MVB12B: variants seen among roughly 807,000 people sequenced by gnomAD.
MVB12B encodes ESCRT-I complex subunit MVB12B.
MVB12B carries 16 observed loss-of-function variants against 41.6 expected under a neutral mutation model. That is an observed-to-expected ratio of 0.38 (90% CI 0.26 to 0.58). The LOEUF (loss-of-function observed/expected upper bound fraction) is 0.58, where lower values mean the gene tolerates loss of function less well. Ranked by LOEUF, MVB12B falls within the 20% of genes least tolerant of loss-of-function variation. The probability of loss-of-function intolerance (pLI) is 0.62; values close to 1 mark genes in which losing one functional copy is unlikely to be tolerated. For synonymous variants in MVB12B, 133 were observed against 139.7 expected (o/e 0.95, Z 0.34); for missense variants, 274 against 380.2 (o/e 0.72, Z 2.32).
At chr9:126,439,741 A>T (rs1269393701) in intron 7 of MVB12B, among the ~76,000 whole-genome samples, 3 of 152,238 alleles carry the variant, frequency 2.0e-5, no homozygotes, top group Non-Finnish European at 4.4e-5. Flanking sequence ...AGAATGCATA[A>T]ATCAGAGATG....
intron 7 of MVB12B, among the ~76,000 whole-genome samples, chr9:126,461,702 G>A (rs1287054241): frequency 6.6e-6 from 1 of 152,180 alleles, no homozygotes. Context: ...AGTAATAGAC[G>A]TGGAGAGCCG....
At chr9:126,413,517 G>C (rs1349276735) in intron 6 of MVB12B, among the ~76,000 whole-genome samples, 1 of 152,160 alleles carries the variant, frequency 6.6e-6, no homozygotes, top group Non-Finnish European at 1.5e-5. Context: ...AAGAATAAAT[G>C]CTGGTCCTTT....
rs114080146 is a variant in MVB12B, at chr9:126,498,025, G to T, written c.874-5152G>T. Among the ~76,000 whole-genome samples the T allele has an allele frequency of 8.1e-3, 1,230 of 152,340 alleles. 21 individuals carry two copies. Among genetic ancestry groups the T allele is most frequent in the African/African-American group, 0.028 (1,181 of 41,580 alleles). On this transcript the variant is annotated intron_variant, in intron 9 of 9. Transcript: ENST00000361171. ...CCGTGGGGCCCTGAAGGCCTCTCCC[G>T]GGACTGCAGCGCTTCAGGCCTCGCC...
At chr9:126,463,092 C>A (rs1833123333) in intron 7 of MVB12B, among the ~76,000 whole-genome samples, 1 of 152,208 alleles carries the variant, frequency 6.6e-6, no homozygotes, top group Admixed American at 6.5e-5. Context: ...GCGGGCTGGT[C>A]CATTGGAGCT....
At chr9:126,500,794 T>C (rs1285084937) in intron 9 of MVB12B, among the ~76,000 whole-genome samples, 1 of 152,164 alleles carries the variant, frequency 6.6e-6, no homozygotes, top group Non-Finnish European at 1.5e-5. Context: ...GTGCCGTCCA[T>C]GCCCTTCCCC....
At chr9:126,379,617 A>T (rs1796369444) in intron 2 of MVB12B, among the ~76,000 whole-genome samples, 1 of 152,206 alleles carries the variant, frequency 6.6e-6, no homozygotes, top group Non-Finnish European at 1.5e-5. Flanking sequence ...CATCTTTATC[A>T]TAAGGGCCTT....
intron 9 of MVB12B, among the ~76,000 whole-genome samples, chr9:126,496,202 T>TTCCC (rs1833827931): frequency 5.1e-5 from 1 of 19,482 alleles, no homozygotes; most frequent in Non-Finnish European, 1.1e-4. Context: ...CCCACCCACC[T>TTCCC]ACCCACCCGT....
intron 2 of MVB12B, among the ~76,000 whole-genome samples, chr9:126,342,935 G>T (rs1252160376): frequency 6.6e-6 from 1 of 152,200 alleles, no homozygotes; most frequent in Non-Finnish European, 1.5e-5. Flanking sequence ...TCTGTCTGTT[G>T]TAGCTGCTGT....
chr9:126,461,922 A>G (rs1039567347), intron 7 of MVB12B, among the ~76,000 whole-genome samples: 6 of 152,230 alleles, frequency 3.9e-5, no homozygotes, highest in Admixed American at 2.6e-4. Flanking sequence ...GAATATGACA[A>G]TGTTAGCATT....
At chr9:126,440,465 G>A (rs1832603846) in intron 7 of MVB12B, among the ~76,000 whole-genome samples, 1 of 152,180 alleles carries the variant, frequency 6.6e-6, no homozygotes, top group African/African-American at 2.4e-5. Context: ...AACTGTAAAA[G>A]GTCACATGGG....
intron 7 of MVB12B, among the ~76,000 whole-genome samples, chr9:126,471,290 CTG>C (rs1189546323): frequency 6.6e-6 from 1 of 152,192 alleles, no homozygotes; most frequent in African/African-American, 2.4e-5. Flanking sequence ...AAATCTGACT[CTG>C]AGGTTAAGTG....
chr9:126,424,762 C>T (rs539793279), intron 7 of MVB12B, among the ~76,000 whole-genome samples: 1 of 152,372 alleles, frequency 6.6e-6, no homozygotes, highest in Admixed American at 6.5e-5. Flanking sequence ...CTGTGGCCTG[C>T]GCTCTGCTCT....
intron 7 of MVB12B, among the ~76,000 whole-genome samples, chr9:126,434,202 C>T (rs1832407311): frequency 6.6e-6 from 1 of 151,936 alleles, no homozygotes; most frequent in Admixed American, 6.6e-5. Context: ...CTTTTTCCCT[C>T]TTTTTATTAA....
rs187880833 is a variant in MVB12B, at chr9:126,387,401, A to G, written c.409+743A>G. ...CAAAACAAATACAGAGAATCCTTTC[A>G]TTACGACTCAGGGTTTATTTATTAA... On this transcript the variant is annotated intron_variant, in intron 4 of 9. Transcript: ENST00000361171. Among the ~76,000 whole-genome samples the G allele has an allele frequency of 5.3e-4, 81 of 152,348 alleles. No homozygotes were observed. The East Asian group carries it at 0.015, about 29-fold the overall frequency.
At chr9:126,494,870 C>A (rs1395927670) in intron 9 of MVB12B, among the ~76,000 whole-genome samples, 1 of 150,812 alleles carries the variant, frequency 6.6e-6, no homozygotes, top group Admixed American at 6.6e-5. Context: ...AGCACCCCAC[C>A]CCCCCCCAGG....
intron 7 of MVB12B, among the ~76,000 whole-genome samples, chr9:126,479,871 C>A (rs1423956945): frequency 6.6e-6 from 1 of 152,224 alleles, no homozygotes. Flanking sequence ...CCTGTATGAA[C>A]GTAGCATGAG....
chr9:126,336,872 C>T (rs1266698206), intron 1 of MVB12B, among the ~76,000 whole-genome samples: 1 of 152,178 alleles, frequency 6.6e-6, no homozygotes, highest in East Asian at 1.9e-4. Context: ...AATTATCTCA[C>T]AGAGGCTGTA....
intron 9 of MVB12B, among the ~76,000 whole-genome samples, chr9:126,490,302 A>G (rs1833705722): frequency 6.6e-6 from 1 of 151,978 alleles, no homozygotes; most frequent in Non-Finnish European, 1.5e-5. Context: ...CCGCCCTGGC[A>G]TCCGTGGAAG....
intron 2 of MVB12B, among the ~76,000 whole-genome samples, chr9:126,345,813 A>T (rs1301330178): frequency 6.6e-6 from 1 of 152,232 alleles, no homozygotes; most frequent in East Asian, 1.9e-4. Flanking sequence ...GCCTATACCC[A>T]GTCCCCCAAC....
Sources: allele counts gnomAD v4.1 joint callset (sites outside exome capture counted in the v4.1 genomes callset), GRCh38; gene constraint gnomAD v4.1.1; transcripts MANE v1.5; gene names NCBI Gene and HGNC (gene_info 2026-07-23, HGNC 2026-07-21).